Variants in EMC2 observed in about 807,000 individuals in gnomAD.
EMC2 encodes ER membrane protein complex subunit 2, also known as TPR repeat protein 35.
A neutral mutation model predicts 51.6 loss-of-function variants in EMC2; 37 were observed. The observed-to-expected ratio is 0.72, with a 90% CI of 0.55 to 0.94. The LOEUF (loss-of-function observed/expected upper bound fraction) is 0.94, where lower values mean the gene tolerates loss of function less well. Among genes scored for constraint, EMC2 ranks in the 40% least tolerant of loss-of-function variants. The pLI is 0.00. For missense variants in EMC2, 359 were observed against 350.9 expected (o/e 1.02, Z -0.18); for synonymous variants, 131 against 112.4 (o/e 1.17, Z -1.04).
chr8:108,446,166 C>T, intron 1 of EMC2: 1 of 234,962 alleles, frequency 4.3e-6, no homozygotes, highest in Non-Finnish European at 9.0e-6. Flanking sequence ...CCTCAGTGCC[C>T]AGATCAGGCC....
chr8:108,453,726 A>G (rs1819087519), intron 4 of EMC2, among the ~76,000 whole-genome samples: 1 of 152,124 alleles, frequency 6.6e-6, no homozygotes, highest in African/African-American at 2.4e-5. Context: ...TTTTATTTTC[A>G]GTACTTCTAG....
At chr8:108,484,307 A>G (rs1811097268) in intron 10 of EMC2, among the ~76,000 whole-genome samples, 1 of 152,120 alleles carries the variant, frequency 6.6e-6, no homozygotes, top group South Asian at 2.1e-4. Flanking sequence ...TTAAATTGCC[A>G]TACAATTCTG....
chr8:108,461,766 T>C (rs1393273404), intron 5 of EMC2, among the ~76,000 whole-genome samples: 1 of 151,938 alleles, frequency 6.6e-6, no homozygotes, highest in Non-Finnish European at 1.5e-5. Flanking sequence ...TAAAATGATA[T>C]GGTAAAAAAA....
rs5893921 is a variant in EMC2 at position 108,488,166 on chromosome 8, C to CT, written c.*1586dup. Among the ~76,000 whole-genome samples the CT allele has an allele frequency of 0.015, 1,918 of 127,642 alleles. 22 individuals carry two copies. Among genetic ancestry groups the CT allele is most frequent in the Non-Finnish European group, 0.023 (1,375 of 60,098 alleles). 83.7% of individuals were successfully genotyped at this position (127,642 alleles called of 152,430 possible). A position where few individuals can be genotyped will look rare whatever the true frequency, so the allele number is the denominator to read the frequency against. On this transcript the variant is annotated 3_prime_UTR_variant, in exon 11 of 11. Coordinates refer to ENST00000220853, the MANE Select transcript of EMC2 (RefSeq NM_014673.5). ...CTTATAGCTGTCTGCCTTAGTTTCA[C>CT]TTTTTTTTTTTTTTTTTTGAGACAG...
chr8:108,447,838 G>A (rs1169583104), intron 1 of EMC2, among the ~76,000 whole-genome samples: 11 of 152,014 alleles, frequency 7.2e-5, no homozygotes, highest in Non-Finnish European at 1.3e-4. Context: ...AAGGTGAAAG[G>A]GTAAAATGAA....
intron 5 of EMC2, among the ~76,000 whole-genome samples, chr8:108,468,840 C>T (rs1810792911): frequency 6.6e-6 from 1 of 152,148 alleles, no homozygotes; most frequent in Non-Finnish European, 1.5e-5. Flanking sequence ...ACAGTATGCT[C>T]CAGTCCCTGA....
intron 9 of EMC2, among the ~76,000 whole-genome samples, chr8:108,477,241 G>T (rs569596848): frequency 6.6e-6 from 1 of 152,002 alleles, no homozygotes; most frequent in African/African-American, 2.4e-5. Context: ...ATAGTTGTAT[G>T]AGGTATTTTT....
chr8:108,453,180 G>A, intron 4 of EMC2, 33 bp downstream of exon 4: 2 of 1,305,240 alleles, frequency 1.5e-6, no homozygotes, highest in South Asian at 2.7e-5. Context: ...CAGGCATGGA[G>A]CCTGTTAATC....
chr8:108,456,348 G>C (rs7836245), intron 5 of EMC2, among the ~76,000 whole-genome samples: 3 of 45,034 alleles, frequency 6.7e-5, no homozygotes, highest in Non-Finnish European at 1.6e-4. Flanking sequence ...AAAAAAAAAA[G>C]AAAAAAAAAA....
chr8:108,453,391 T>G (rs1819077101), intron 4 of EMC2, among the ~76,000 whole-genome samples: 1 of 152,178 alleles, frequency 6.6e-6, no homozygotes, highest in Non-Finnish European at 1.5e-5. Flanking sequence ...ATTTTACCTT[T>G]TTTACTGCTG....
chr8:108,472,768 GT>G (rs2130394284), intron 7 of EMC2, among the ~76,000 whole-genome samples: 1 of 152,040 alleles, frequency 6.6e-6, no homozygotes, highest in South Asian at 2.1e-4. Flanking sequence ...AAACGTAGCA[GT>G]TTCGAAAATG....
intron 5 of EMC2, among the ~76,000 whole-genome samples, chr8:108,468,776 C>T (rs1056556836): frequency 2.1e-4 from 32 of 152,106 alleles, no homozygotes; most frequent in African/African-American, 7.7e-4. Flanking sequence ...TATTGTTTAT[C>T]CTTCTGTATT....
At chr8:108,455,071 G>C (rs996165454) in intron 4 of EMC2, among the ~76,000 whole-genome samples, 4 of 150,642 alleles carry the variant, frequency 2.7e-5, no homozygotes, top group African/African-American at 9.8e-5. Flanking sequence ...TATTTATTCT[G>C]CTTGATGTTC....
rs1810999606 is a variant in EMC2 at position 108,479,036 on chromosome 8, G to A, written c.733G>A (p.Ala245Thr). The A allele has an allele frequency of 6.3e-7, 1 of 1,579,874 alleles. No homozygotes were observed. Among genetic ancestry groups the A allele is most frequent in the Non-Finnish European group, 8.6e-7 (1 of 1,163,072 alleles). Residue 245 changes from alanine to threonine, a missense_variant, in exon 10 of 11, where the codon GCA becomes ACA. By Grantham distance (58) the Ala-to-Thr change is moderately conservative. Coordinates refer to ENST00000220853, the MANE Select transcript of EMC2 (RefSeq NM_014673.5). ...AAGTCATATTGCTTCTAATCCAAAAGCAAGTGCAAAAACGAAAAAGGACAA... is the reference window on the plus strand; with the variant it reads ...AAGTCATATTGCTTCTAATCCAAAAACAAGTGCAAAAACGAAAAAGGACAA... Reference protein sequence around the residue: ...SASHIASNPKASAKTKKDNMK... With the variant: ...SASHIASNPKTSAKTKKDNMK...
At chr8:108,467,312 A>G (rs1171504472) in intron 5 of EMC2, among the ~76,000 whole-genome samples, 1 of 150,358 alleles carries the variant, frequency 6.7e-6, no homozygotes, top group Non-Finnish European at 1.5e-5. Flanking sequence ...AAAATTTTAG[A>G]TATGCTTTGA....
At chr8:108,468,287 T>C (rs986980636) in intron 5 of EMC2, among the ~76,000 whole-genome samples, 1 of 152,204 alleles carries the variant, frequency 6.6e-6, no homozygotes, top group Admixed American at 6.5e-5. Context: ...ACTTTTACTT[T>C]TCTTCTGAGT....
chr8:108,464,883 A>G (rs1050429494), intron 5 of EMC2, among the ~76,000 whole-genome samples: 28 of 152,060 alleles, frequency 1.8e-4, no homozygotes, highest in African/African-American at 6.5e-4. Context: ...AAAATGCCGC[A>G]TTTTCCAGGC....
intron 5 of EMC2, among the ~76,000 whole-genome samples, chr8:108,465,683 G>A (rs959117061): frequency 6.6e-6 from 1 of 152,256 alleles, no homozygotes; most frequent in African/African-American, 2.4e-5. Flanking sequence ...TCAGAACATC[G>A]ATTAAGGCTG....
chr8:108,460,016 T>A (rs376318686), intron 5 of EMC2, among the ~76,000 whole-genome samples: 6 of 152,214 alleles, frequency 3.9e-5, no homozygotes, highest in African/African-American at 9.6e-5. Flanking sequence ...CATTTTTTTC[T>A]GAAGATTTTC....
Sources: allele counts gnomAD v4.1 joint callset (sites outside exome capture counted in the v4.1 genomes callset), GRCh38; gene constraint gnomAD v4.1.1; transcripts MANE v1.5; gene names NCBI Gene and HGNC (gene_info 2026-07-23, HGNC 2026-07-21).